Variants in PCDHA9 observed in about 807,000 individuals in gnomAD.
PCDHA9 encodes the protein protocadherin alpha-9.
Under a neutral mutation model 62.0 loss-of-function variants are expected in PCDHA9, and 62 were observed. The observed-to-expected ratio is 1.00, with a 90% CI of 0.81 to 1.23. The LOEUF is 1.23. Among genes scored for constraint, PCDHA9 ranks in the 50% most tolerant of loss-of-function variants. PCDHA9 has a pLI of 0.00. For synonymous variants in PCDHA9, 557 were observed against 567.6 expected, an observed-to-expected ratio of 0.98 and a Z score of 0.27; for missense variants, 1,205 against 1,249.8, an observed-to-expected ratio of 0.96 and a Z score of 0.54.
chr5:141,010,146 C>T lies in PCDHA9; in HGVS notation c.*209C>T. 2 of 1,584,410 alleles carry T rather than the reference C, an allele frequency of 1.3e-6. No homozygotes were observed. Among genetic ancestry groups the T allele is most frequent in the Non-Finnish European group, 1.7e-6 (2 of 1,164,258 alleles). On this transcript the variant is annotated 3_prime_UTR_variant, in exon 4 of 4. Coordinates refer to ENST00000532602, the MANE Select transcript of PCDHA9 (RefSeq NM_031857.2). ...TAAGTCTGGTGTTAACTCTTTCTCTCCACTCTGGCTTGTTTTCAGAACCTA... is the reference window on the plus strand; with the variant it reads ...TAAGTCTGGTGTTAACTCTTTCTCTTCACTCTGGCTTGTTTTCAGAACCTA...
intron 1 of PCDHA9, among the ~76,000 whole-genome samples, chr5:140,957,708 T>TA (rs1330263414): frequency 6.6e-6 from 1 of 152,124 alleles, no homozygotes; most frequent in Non-Finnish European, 1.5e-5. Context: ...ATGTAGTTTT[T>TA]ATTAAGAAAG....
At chr5:140,917,206 T>G (rs1313611985) in intron 1 of PCDHA9, among the ~76,000 whole-genome samples, 1 of 152,104 alleles carries the variant, frequency 6.6e-6, no homozygotes, top group Admixed American at 6.5e-5. Context: ...CCCTCTTCAA[T>G]GCCTCTTTTA....
intron 1 of PCDHA9, among the ~76,000 whole-genome samples, chr5:140,896,969 CACAA>C (rs1554187153): frequency 2.0e-5 from 3 of 152,106 alleles, no homozygotes; most frequent in African/African-American, 7.2e-5. Context: ...TTATTCTTTG[CACAA>C]ACAAACCAGT....
At chr5:140,877,340 A>G (rs782755927) in intron 1 of PCDHA9, 9 of 1,613,820 alleles carry the variant, frequency 5.6e-6, no homozygotes, top group Admixed American at 1.7e-5. Context: ...ATCCCGTTCC[A>G]CGTGGGGCTG....
chr5:140,984,516 TCA>T (rs1422083367), intron 3 of PCDHA9, among the ~76,000 whole-genome samples: 2 of 152,130 alleles, frequency 1.3e-5, no homozygotes, highest in Non-Finnish European at 2.9e-5. Context: ...GATGCATGAG[TCA>T]CAGTCTTCAT....
intron 3 of PCDHA9, among the ~76,000 whole-genome samples, chr5:140,986,013 A>C (rs544858025): frequency 6.6e-6 from 1 of 152,298 alleles, no homozygotes; most frequent in Admixed American, 6.5e-5. Flanking sequence ...TGCTGGGATT[A>C]CAGGCGTGAG....
At chr5:140,911,785 T>C (rs1334155529) in intron 1 of PCDHA9, among the ~76,000 whole-genome samples, 1 of 152,180 alleles carries the variant, frequency 6.6e-6, no homozygotes, top group Non-Finnish European at 1.5e-5. Context: ...CTTAGCATTT[T>C]TGGGTCTAAT....
intron 3 of PCDHA9, among the ~76,000 whole-genome samples, chr5:140,996,144 T>C (rs2097714056): frequency 6.6e-6 from 1 of 152,210 alleles, no homozygotes; most frequent in African/African-American, 2.4e-5. Context: ...TCCCATTATC[T>C]TGCCTTCCTT....
At chr5:140,883,476 A>G (rs782692069) in intron 1 of PCDHA9, 7 of 1,614,082 alleles carry the variant, frequency 4.3e-6, no homozygotes, top group Admixed American at 3.3e-5. Flanking sequence ...ACCTACAAGA[A>G]CTACTACTCA....
In PCDHA9 at chr5:140,928,021, T is replaced by G. The variant is rs1554205382; in HGVS notation, c.2395-50928T>G. ...CCTCGATTCTAATGGTAGGGTCATT[T>G]GTGGCATGTCTAGTGCAGGCCCTTT... On this transcript the variant is annotated intron_variant, in intron 1 of 3. Coordinates refer to ENST00000532602, the MANE Select transcript of PCDHA9 (RefSeq NM_031857.2). 3 of 1,614,220 alleles carry G rather than the reference T, an allele frequency of 1.9e-6. No individual in the cohort carries two copies. The African/African-American group carries it at 4.0e-5, about 22-fold the overall frequency.
intron 1 of PCDHA9, among the ~76,000 whole-genome samples, chr5:140,947,064 A>G (rs1554218040): frequency 6.6e-6 from 1 of 151,738 alleles, no homozygotes; most frequent in African/African-American, 2.4e-5. Flanking sequence ...TACACAGTGT[A>G]TATATGTATT....
At chr5:140,898,782 G>A (rs1170822216) in intron 1 of PCDHA9, among the ~76,000 whole-genome samples, 5 of 152,306 alleles carry the variant, frequency 3.3e-5, no homozygotes, top group Middle Eastern at 3.4e-3. Context: ...ACCTTGGGCA[G>A]TATGGCCATT....
chr5:140,952,023 C>T (rs183831358), intron 1 of PCDHA9, among the ~76,000 whole-genome samples: 2 of 152,236 alleles, frequency 1.3e-5, no homozygotes, highest in African/African-American at 2.4e-5. Flanking sequence ...CATGCAAGTC[C>T]GAAATCCAGT....
At chr5:140,996,190 C>T (rs2097716017) in intron 3 of PCDHA9, among the ~76,000 whole-genome samples, 1 of 152,200 alleles carries the variant, frequency 6.6e-6, no homozygotes, top group African/African-American at 2.4e-5. Flanking sequence ...CCATTTTATA[C>T]CCTCAATGCA....
In PCDHA9 at chr5:141,010,527, G is replaced by T; in HGVS notation, c.*590G>T. On this transcript the variant is annotated 3_prime_UTR_variant, in exon 4 of 4. Transcript: ENST00000532602. ...AAATCTTACAACTCAAGAGGTGGCA[G>T]CCACCCTCTAGGAGACAAAACTACC... The T allele has an allele frequency of 2.3e-6, 1 of 431,062 alleles. No homozygotes were observed. Among genetic ancestry groups the T allele is most frequent in the African/African-American group, 2.0e-5 (1 of 49,970 alleles). 26.7% of individuals were successfully genotyped at this position (431,062 alleles called of 1,614,324 possible).
intron 1 of PCDHA9, among the ~76,000 whole-genome samples, chr5:140,952,282 C>A (rs12187982): frequency 0.12 from 17,942 of 151,036 alleles, 1,209 homozygotes; most frequent in Middle Eastern, 0.19. Context: ...AGGGTGGTGG[C>A]CCTCTTCTCA....
At chr5:140,993,103 G>A (rs2097540365) in intron 3 of PCDHA9, among the ~76,000 whole-genome samples, 1 of 152,218 alleles carries the variant, frequency 6.6e-6, no homozygotes, top group East Asian at 1.9e-4. Context: ...TTTATTCAGC[G>A]GTCAGTGTCA....
chr5:140,976,494 G>A (rs1247242198), intron 1 of PCDHA9, among the ~76,000 whole-genome samples: 1 of 151,942 alleles, frequency 6.6e-6, no homozygotes, highest in Non-Finnish European at 1.5e-5. Context: ...GAGGTTGCAG[G>A]GAGCCAAGAT....
At chr5:140,876,044 T>G in intron 1 of PCDHA9, 2 of 1,613,884 alleles carry the variant, frequency 1.2e-6, no homozygotes, top group Non-Finnish European at 1.7e-6. Context: ...AAAAGTATAT[T>G]GCCTGAATTA....
Sources: gnomAD v4.1 joint callset for allele counts (sites outside exome capture counted in the v4.1 genomes callset) on GRCh38, gnomAD v4.1.1 for gene constraint, MANE v1.5 for transcripts, NCBI Gene and HGNC (gene_info 2026-07-23, HGNC 2026-07-21) for gene names.